PAX6: variants seen among roughly 807,000 people sequenced by gnomAD.
The protein encoded by PAX6 is paired box 6.
In PAX6, 7 loss-of-function variants were observed where a neutral mutation model predicts 60.7. The observed-to-expected ratio is 0.12, with a 90% CI of 0.07 to 0.22. PAX6 has a LOEUF of 0.22. Among genes scored for constraint, PAX6 ranks in the 10% least tolerant of loss-of-function variants. The pLI, the probability that PAX6 is intolerant of heterozygous loss-of-function variation, is 1.00. For synonymous variants in PAX6, 208 were observed against 201.2 expected (o/e 1.03, Z -0.29); for missense variants, 355 against 555.2 (o/e 0.64, Z 3.62).
chr11:31,810,805 C>G (rs1484714130), intron 2 of PAX6, 23 bp downstream of exon 2: 2 of 398,944 alleles, frequency 5.0e-6, no homozygotes, highest in Non-Finnish European at 8.8e-6. Context: ...AAAAATAAAG[C>G]GAGAAGAAAG....
chr11:31,790,668 G>C (rs200638799), intron 13 of PAX6, 42 bp downstream of exon 13: 2 of 1,613,204 alleles, frequency 1.2e-6, no homozygotes, highest in Admixed American at 1.7e-5. Context: ...TTCTAGTGAA[G>C]AGAGATCGCC....
At chr11:31,806,127 G>T (rs3026362) in intron 4 of PAX6, 5 of 471,850 alleles carry the variant, frequency 1.1e-5, no homozygotes, top group Admixed American at 8.4e-5. Context: ...TACAGGATTT[G>T]GGGGGGATGG....
intron 4 of PAX6, chr11:31,804,127 C>T (rs1204809181): frequency 1.3e-5 from 2 of 152,170 alleles, no homozygotes; most frequent in Non-Finnish European, 1.5e-5. Flanking sequence ...TATGATGAGC[C>T]TCTCTGACAT....
At chr11:31,793,014 C>T in intron 12 of PAX6, 1 of 530,044 alleles carries the variant, frequency 1.9e-6, no homozygotes, top group South Asian at 2.3e-5. Context: ...AGTAATGCCC[C>T]AAATGCGTGC....
chr11:31,813,389 C>G (rs376157195), upstream of PAX6, among the ~76,000 whole-genome samples: 79 of 44,150 alleles, frequency 1.8e-3, no homozygotes, highest in Middle Eastern at 0.012. Context: ...TGCGGGGGGG[C>G]GGGGGGGGGG....
At chr11:31,811,400 C>G (rs1435706799), upstream of PAX6, 2 of 397,610 alleles carry the variant, frequency 5.0e-6, no homozygotes, top group South Asian at 2.8e-4. Context: ...CGATTGGATG[C>G]TCCCTCTCCC....
intron 4 of PAX6, 141 bp from the exon 5 acceptor site, chr11:31,802,975 G>C: frequency 1.2e-6 from 1 of 868,928 alleles, no homozygotes; most frequent in Non-Finnish European, 1.8e-6. Context: ...GGAAGAAGGA[G>C]AGGAGGAGGA....
At position 31,802,773 on chromosome 11, in the gene PAX6, G is replaced by A. The variant is rs776541044; in HGVS notation, c.72C>T (p.Ser24=). 16 of 1,613,868 alleles carry A rather than the reference G, an allele frequency of 9.9e-6. No homozygotes were observed. Among genetic ancestry groups the A allele is most frequent in the Middle Eastern group, 1.6e-4 (1 of 6,082 alleles). The change falls in exon 5 of 14, where the codon TCC becomes TCT. Residue 24 remains serine (S), a synonymous_variant. Transcript: ENST00000640368. ...CTAGCTCTACAATCTTCTGCCGGGT[G>A]GAGTCCGGCAGTGGCCGCCCGTTGA... The part of the protein sequence containing the change: ...VFVNGRPLPD[S]TRQKIVELAH...
In PAX6 at chr11:31,802,855, G is replaced by A. The variant is rs1347473893; in HGVS notation, c.11-21C>T. Reference sequence around the variant, plus strand: ...GTGACCTGAGGAAAGGGAGAGGAGAGGAAAGGGGAAAAGAAGAGAAGAGAG... The same window carrying A: ...GTGACCTGAGGAAAGGGAGAGGAGAAGAAAGGGGAAAAGAAGAGAAGAGAG... On this transcript the variant is annotated intron_variant, in intron 4 of 13. Coordinates refer to ENST00000640368, the MANE Select transcript of PAX6 (RefSeq NM_001368894.2). 9 of 1,612,280 alleles carry A rather than the reference G, an allele frequency of 5.6e-6. No individual in the cohort carries two copies. In the South Asian group the frequency reaches 8.8e-5, roughly 16 times the overall value.
intron 8 of PAX6, among the ~76,000 whole-genome samples, chr11:31,800,076 T>A (rs1221561270): frequency 1.3e-5 from 2 of 151,706 alleles, no homozygotes; most frequent in African/African-American, 4.8e-5. Flanking sequence ...GCTCACAGTA[T>A]CTTCACCTCA....
chr11:31,801,671 C>T lies in PAX6; in HGVS notation c.289G>A (p.Val97Ile), dbSNP rs372222637. The T allele has an allele frequency of 1.2e-6, 2 of 1,614,174 alleles. No individual in the cohort carries two copies. Among genetic ancestry groups the T allele is most frequent in the Non-Finnish European group, 8.5e-7 (1 of 1,180,038 alleles). Reference sequence around the variant, plus strand: ...TTATACTGGGCTATTTTGCTTACAACTTCTGGAGTCGCTACTCTCGGTTTA... The same window carrying T: ...TTATACTGGGCTATTTTGCTTACAATTTCTGGAGTCGCTACTCTCGGTTTA... ...GSKPRVATPE[V>I]VSKIAQYKRE... Residue 97 changes from valine (V) to isoleucine (I), a missense_variant, in exon 7 of 14, where the codon GTT (valine) becomes ATT (isoleucine). Val to Ile is a conservative substitution (Grantham distance 29, BLOSUM62 3). Coordinates refer to ENST00000640368, the MANE Select transcript of PAX6 (RefSeq NM_001368894.2).
chr11:31,806,353 G>A (rs375552357), intron 4 of PAX6, 49 bp downstream of exon 4: 6 of 1,591,806 alleles, frequency 3.8e-6, no homozygotes, highest in Non-Finnish European at 5.1e-6. Flanking sequence ...CTGACCCTCG[G>A]GTCCGCGCAC....
At chr11:31,801,261 C>G in intron 7 of PAX6, 1 of 1,380,274 alleles carries the variant, frequency 7.2e-7, no homozygotes, top group Non-Finnish European at 9.4e-7. Context: ...TGGATTAGGA[C>G]GAAGTTACAA....
chr11:31,789,666 C>T lies in PAX6; in HGVS notation c.*268G>A, dbSNP rs1364508324. ...TTTTTTTCATTATAACATACAAATG[C>T]CCATTTACAAATAATACACCAAAAT... On this transcript the variant is annotated 3_prime_UTR_variant, in exon 14 of 14. Transcript: ENST00000640368. 1.4e-6 allele frequency: 1 copy of T among 701,124 alleles called. No homozygotes were observed. Among genetic ancestry groups the T allele is most frequent in the African/African-American group, 1.8e-5 (1 of 56,986 alleles). 43.4% of individuals were successfully genotyped at this position (701,124 alleles called of 1,614,324 possible). A position where few individuals can be genotyped will look rare whatever the true frequency, so the allele number is the denominator to read the frequency against.
At chr11:31,791,002 T>G in intron 12 of PAX6, 142 bp from the exon 13 acceptor site, 4 of 905,126 alleles carry the variant, frequency 4.4e-6, no homozygotes, top group South Asian at 1.4e-5. Context: ...TTCCATATGA[T>G]AAATCTAAGA....
intron 4 of PAX6, 126 bp from the exon 5 acceptor site, chr11:31,802,960 G>A: frequency 2.1e-6 from 2 of 956,046 alleles, no homozygotes; most frequent in East Asian, 2.6e-5. Context: ...GGAGGAAGGG[G>A]AAGAGGAAGA....
intron 9 of PAX6, 31 bp downstream of exon 9, chr11:31,794,599 A>G (rs763616748): frequency 3.1e-6 from 5 of 1,612,542 alleles, no homozygotes; most frequent in Non-Finnish European, 4.2e-6. Flanking sequence ...ACTTTGATTT[A>G]CTGCTTCTCT....
chr11:31,801,791 T>G lies in PAX6; in HGVS notation c.184-15A>C, dbSNP rs1469602639. On this transcript the variant is annotated splice_polypyrimidine_tract_variant and intron_variant, in intron 6 of 13. Coordinates refer to ENST00000640368, the MANE Select transcript of PAX6 (RefSeq NM_001368894.2). The stretch of plus-strand genomic sequence containing the variant: ...CCGTTGGACACCTGCATAGGGGAAG[T>G]GGACAGAAAACCACATTATTAATAA... 1.2e-6 allele frequency: 2 copies of G among 1,614,198 alleles called. No homozygotes were observed. Among genetic ancestry groups the G allele is most frequent in the Non-Finnish European group, 1.7e-6 (2 of 1,180,034 alleles).
At chr11:31,815,330 C>A (rs1201888335), upstream of PAX6, among the ~76,000 whole-genome samples, 1 of 152,206 alleles carries the variant, frequency 6.6e-6, no homozygotes, top group Non-Finnish European at 1.5e-5. Flanking sequence ...ACCTCTGCCC[C>A]CAAGAGGCAA....
Sources: gnomAD v4.1 joint callset for allele counts (sites outside exome capture counted in the v4.1 genomes callset) on GRCh38, gnomAD v4.1.1 for gene constraint, MANE v1.5 for transcripts, NCBI Gene and HGNC (gene_info 2026-07-23, HGNC 2026-07-21) for gene names.